Variants in LAPTM5 observed in about 807,000 individuals in gnomAD.
The protein encoded by LAPTM5 is lysosomal protein transmembrane 5.
LAPTM5 carries 11 observed loss-of-function variants against 30.1 expected under a neutral mutation model. The ratio of observed to expected loss-of-function variants is 0.37; its 90% CI spans 0.23 to 0.60. LAPTM5 has a LOEUF of 0.60. Among genes scored for constraint, LAPTM5 ranks in the 20% least tolerant of loss-of-function variants. LAPTM5 has a pLI of 0.71. For synonymous variants in LAPTM5, 151 were observed against 137.9 expected (o/e 1.10, Z -0.67); for missense variants, 324 against 332.5 (o/e 0.97, Z 0.20).
rs1307465026 is a variant in LAPTM5, at chr1:30,742,544, C to T, written c.93G>A (p.Met31Ile). The T allele has an allele frequency of 6.8e-6, 11 of 1,612,940 alleles. No individual in the cohort carries two copies. Among genetic ancestry groups the T allele is most frequent in the Non-Finnish European group, 9.3e-6 (11 of 1,179,730 alleles). ...AGTGCTCGATGAACAACAAGACGCT[C>T]ATGATCTGGAGGCAAAGCAAAGCAT... ...TTALAIYHVI[M>I]SVLLFIEHSV... is the part of the protein sequence containing the mutation. The change falls in exon 2 of 8, where the codon ATG becomes ATA. Residue 31 changes from methionine (M) to isoleucine (I), a missense_variant. Physicochemically the swap from Met to Ile is conservative, Grantham distance 10 (BLOSUM62 1). Coordinates refer to ENST00000294507, the MANE Select transcript of LAPTM5 (RefSeq NM_006762.3).
At chr1:30,747,200 A>C (rs1210569320) in intron 1 of LAPTM5, among the ~76,000 whole-genome samples, 1 of 152,194 alleles carries the variant, frequency 6.6e-6, no homozygotes, top group Admixed American at 6.5e-5. Context: ...CCAACACAGA[A>C]GAGAAGAAAG....
At position 30,757,528 on chromosome 1, in the gene LAPTM5, G is replaced by C. The variant is rs996791512; in HGVS notation, c.87+131C>G. 6 of 949,326 alleles carry C rather than the reference G, an allele frequency of 6.3e-6. No homozygotes were observed. The African/African-American group carries it at 9.7e-5, about 15-fold the overall frequency. 58.8% of individuals were successfully genotyped at this position (949,326 alleles called of 1,614,324 possible). A position where few individuals can be genotyped will look rare whatever the true frequency, so the allele number is the denominator to read the frequency against. Reference sequence around the variant, plus strand: ...GAGGCCCAGAGCAGGACAGGGATTTGCCCAGGGTCCCCCAGAGAGGTGGAG... The same window carrying C: ...GAGGCCCAGAGCAGGACAGGGATTTCCCCAGGGTCCCCCAGAGAGGTGGAG... On this transcript the variant is annotated intron_variant, in intron 1 of 7. Coordinates refer to ENST00000294507, the MANE Select transcript of LAPTM5 (RefSeq NM_006762.3).
Position 30,742,953 on chromosome 1 carries a change from G to C in LAPTM5, c.88-404C>G, listed in dbSNP as rs138681301. 3.3e-5 allele frequency among the ~76,000 whole-genome samples: 5 copies of C among 152,244 alleles called. No individual in the cohort carries two copies. In the East Asian group the frequency reaches 7.7e-4, roughly 24 times the overall value. On this transcript the variant is annotated intron_variant, in intron 1 of 7. Coordinates refer to ENST00000294507, the MANE Select transcript of LAPTM5 (RefSeq NM_006762.3). ...AAGGTCAGGCTTAAAGAGGTGGGGT[G>C]GGGGGTAGAAGCTGAAGGCCCCTCC...
Position 30,752,559 on chromosome 1 carries a change from T to A in LAPTM5, c.87+5100A>T, listed in dbSNP as rs1640152363. 3.3e-5 allele frequency among the ~76,000 whole-genome samples: 5 copies of A among 152,268 alleles called. No individual in the cohort carries two copies. The South Asian group carries it at 1.0e-3, about 32-fold the overall frequency. On this transcript the variant is annotated intron_variant, in intron 1 of 7. Coordinates refer to ENST00000294507, the MANE Select transcript of LAPTM5 (RefSeq NM_006762.3). ...AGGTGCCCAAGCAAAGCCCTACTCATCCTTAAGACTCAGACCTCCTCCAAG... is the reference window on the plus strand; with the variant it reads ...AGGTGCCCAAGCAAAGCCCTACTCAACCTTAAGACTCAGACCTCCTCCAAG...
chr1:30,748,696 G>T (rs926299420), intron 1 of LAPTM5, among the ~76,000 whole-genome samples: 1 of 152,170 alleles, frequency 6.6e-6, no homozygotes, highest in African/African-American at 2.4e-5. Flanking sequence ...CACGCACTCC[G>T]CAGCAGCCCG....
intron 1 of LAPTM5, among the ~76,000 whole-genome samples, chr1:30,748,281 A>T (rs979707168): frequency 6.6e-6 from 1 of 152,096 alleles, no homozygotes; most frequent in Non-Finnish European, 1.5e-5. Flanking sequence ...GCACAAGAAG[A>T]CAGGCCCGGG....
At position 30,733,822 on chromosome 1, in the gene LAPTM5, C is replaced by CGAG. The variant is rs1409746650; in HGVS notation, c.*3_*5dup. 5 of 1,600,734 alleles carry CGAG rather than the reference C, an allele frequency of 3.1e-6. No individual in the cohort carries two copies. The Admixed American group carries it at 8.9e-5, about 29-fold the overall frequency. ...TCCCAGCACTGGGGCTGGGGCCTGG[C>CGAG]GAGGGTCACACCTCTGAGTATGGGG... On this transcript the variant is annotated 3_prime_UTR_variant, in exon 8 of 8. Transcript: ENST00000294507.
chr1:30,743,149 G>C (rs1639994777), intron 1 of LAPTM5, among the ~76,000 whole-genome samples: 2 of 152,188 alleles, frequency 1.3e-5, no homozygotes, highest in African/African-American at 4.8e-5. Context: ...ATAGGATTGT[G>C]GTGGGGCCAG....
chr1:30,733,640 C>G lies in LAPTM5; in HGVS notation c.*188G>C. 2.0e-6 allele frequency: 3 copies of G among 1,532,880 alleles called. No individual in the cohort carries two copies. Among genetic ancestry groups the G allele is most frequent in the Non-Finnish European group, 2.6e-6 (3 of 1,145,694 alleles). 95.0% of individuals were successfully genotyped at this position (1,532,880 alleles called of 1,614,324 possible). Reference sequence around the variant, plus strand: ...ACCCGAGGAGTGACTCAGCCTAAAGCGTTGACCCAGTTGTGAGCAGCTCAC... The same window carrying G: ...ACCCGAGGAGTGACTCAGCCTAAAGGGTTGACCCAGTTGTGAGCAGCTCAC... On this transcript the variant is annotated 3_prime_UTR_variant, in exon 8 of 8. Coordinates refer to ENST00000294507, the MANE Select transcript of LAPTM5 (RefSeq NM_006762.3).
Position 30,735,642 on chromosome 1 carries a change from T to C in LAPTM5, c.607-377A>G, listed in dbSNP as rs536688343. 9.8e-5 allele frequency among the ~76,000 whole-genome samples: 15 copies of C among 152,316 alleles called. No individual in the cohort carries two copies. The South Asian group carries it at 3.1e-3, about 32-fold the overall frequency. On this transcript the variant is annotated intron_variant, in intron 6 of 7. Coordinates refer to ENST00000294507, the MANE Select transcript of LAPTM5 (RefSeq NM_006762.3). ...ATGGTGGGACATGTTTTCTTCAAAA[T>C]TGCTTCCGATATGTTGTTTTCTGAA...
At chr1:30,750,026 T>C (rs574002065) in intron 1 of LAPTM5, among the ~76,000 whole-genome samples, 102 of 152,258 alleles carry the variant, frequency 6.7e-4, no homozygotes, top group Middle Eastern at 3.4e-3. Flanking sequence ...CAGATGGCGC[T>C]GGAGGAGGTT....
intron 1 of LAPTM5, among the ~76,000 whole-genome samples, chr1:30,749,938 G>A (rs1236305775): frequency 6.6e-6 from 1 of 152,144 alleles, no homozygotes; most frequent in South Asian, 2.1e-4. Flanking sequence ...GGCCTCTGGG[G>A]TTAGAGAGAA....
chr1:30,740,544 C>T (rs1639955511), intron 3 of LAPTM5, among the ~76,000 whole-genome samples: 1 of 152,072 alleles, frequency 6.6e-6, no homozygotes. Flanking sequence ...CAAGTGACCA[C>T]CATGACCAGT....
chr1:30,753,720 G>A (rs1445968945), intron 1 of LAPTM5, among the ~76,000 whole-genome samples: 1 of 152,176 alleles, frequency 6.6e-6, no homozygotes, highest in Non-Finnish European at 1.5e-5. Context: ...AACAGAAAAA[G>A]GATGTAAGAG....
At chr1:30,741,970 G>A (rs887605778) in intron 2 of LAPTM5, 5 of 405,406 alleles carry the variant, frequency 1.2e-5, no homozygotes, top group African/African-American at 8.2e-5. Flanking sequence ...GCCAGGGTGA[G>A]GCTGAGGAAG....
chr1:30,741,863 T>A, intron 2 of LAPTM5, 147 bp from the exon 3 acceptor site: 2 of 552,708 alleles, frequency 3.6e-6, no homozygotes, highest in Non-Finnish European at 6.5e-6. Flanking sequence ...GTCCTGAGTC[T>A]GGAGTGAGTA....
At chr1:30,744,601 C>G (rs1450697912) in intron 1 of LAPTM5, among the ~76,000 whole-genome samples, 1 of 152,188 alleles carries the variant, frequency 6.6e-6, no homozygotes, top group Non-Finnish European at 1.5e-5. Flanking sequence ...TCAACCTCCC[C>G]TTGCTAGAAG....
At position 30,757,648 on chromosome 1, in the gene LAPTM5, C is replaced by G. The variant is rs761275022; in HGVS notation, c.87+11G>C. On this transcript the variant is annotated intron_variant, in intron 1 of 7. Transcript: ENST00000294507. ...CACGCACGCACACACACCCGGGGCC[C>G]GCACACTCACCACATGGTAGATGGC... is the stretch of plus-strand genomic sequence containing the variant. 1.9e-6 allele frequency: 3 copies of G among 1,612,596 alleles called. No individual in the cohort carries two copies. The highest frequency in any genetic ancestry group is 2.5e-6 in the Non-Finnish European group (3 of 1,179,700).
Position 30,739,006 on chromosome 1 carries a change from G to A in LAPTM5, c.444C>T (p.Ile148=), listed in dbSNP as rs1344906505. The A allele has an allele frequency of 1.9e-6, 3 of 1,607,904 alleles. No homozygotes were observed. The highest frequency in any genetic ancestry group is 2.5e-6 in the Non-Finnish European group (3 of 1,177,318). ...TLQLLDFCLS[I]LTLCSSYMEV... is the part of the protein sequence containing the mutation. ...CCATGTAGGAGCTGCAGAGGGTCAGGATGCTCAGGCAGAAGTCCAGCAGCT... is the reference window on the plus strand; with the variant it reads ...CCATGTAGGAGCTGCAGAGGGTCAGAATGCTCAGGCAGAAGTCCAGCAGCT... Residue 148 remains isoleucine (I), a synonymous_variant, in exon 5 of 8, where the codon ATC becomes ATT. Coordinates refer to ENST00000294507, the MANE Select transcript of LAPTM5 (RefSeq NM_006762.3). This position sits in a 1 kb window ranked among gnomAD's most constrained non-coding sequence, Gnocchi z 4.2.
Sources: gnomAD v4.1 joint callset for allele counts (sites outside exome capture counted in the v4.1 genomes callset) on GRCh38, gnomAD v4.1.1 for gene constraint, Gnocchi (gnomAD v3.1) non-coding constraint, MANE v1.5 for transcripts, NCBI Gene and HGNC (gene_info 2026-07-23, HGNC 2026-07-21) for gene names.